Variants in TAFA1 observed in about 807,000 individuals in gnomAD.
The protein encoded by TAFA1 is chemokine-like protein TAFA-1.
A neutral mutation model predicts 18.5 loss-of-function variants in TAFA1; 4 were observed. That is an observed-to-expected ratio of 0.22 (90% CI 0.11 to 0.49). TAFA1 has a LOEUF of 0.49. Ranked by LOEUF, TAFA1 falls within the 20% of genes least tolerant of loss-of-function variation. The pLI is 0.98. For missense variants in TAFA1, 147 were observed against 169.0 expected, an observed-to-expected ratio of 0.87 and a Z score of 0.72; for synonymous variants, 56 against 55.2, an observed-to-expected ratio of 1.01 and a Z score of -0.06.
At chr3:68,155,620 G>A (rs184550800) in intron 2 of TAFA1, among the ~76,000 whole-genome samples, 21 of 152,082 alleles carry the variant, frequency 1.4e-4, no homozygotes, top group African/African-American at 3.9e-4. Context: ...TGTGATCTAT[G>A]AGCGTCATAG....
chr3:68,090,491 G>A lies in TAFA1; in HGVS notation c.118+83747G>A, dbSNP rs561447260. Among the ~76,000 whole-genome samples, 5 of 152,246 alleles carry A rather than the reference G, an allele frequency of 3.3e-5. No individual in the cohort carries two copies. The East Asian group carries it at 9.7e-4, about 29-fold the overall frequency. On this transcript the variant is annotated intron_variant, in intron 2 of 4. Coordinates refer to ENST00000478136, the MANE Select transcript of TAFA1 (RefSeq NM_213609.4). ...ATGAAAAGACATCTTAGCCAGTGCT[G>A]TTTTTTCTGCTTTGTACCCCATGTT...
Position 68,180,012 on chromosome 3 carries a change from T to TTTATTATTATTATTATTATTA in TAFA1, c.118+173280_118+173300dup, listed in dbSNP as rs35696872. 2.3e-3 allele frequency among the ~76,000 whole-genome samples: 319 copies of TTTATTATTATTATTATTATTA among 140,314 alleles called. 1 individual carries two copies. Among genetic ancestry groups the TTTATTATTATTATTATTATTA allele is most frequent in the South Asian group, 4.9e-3 (21 of 4,272 alleles). 92.1% of individuals were successfully genotyped at this position (140,314 alleles called of 152,430 possible). ...TTCTTTCCTGCCTATAACACATAAT[T>TTTATTATTATTATTATTATTA]TTATTATTATTATTATTATTATTAT... On this transcript the variant is annotated intron_variant, in intron 2 of 4. Coordinates refer to ENST00000478136, the MANE Select transcript of TAFA1 (RefSeq NM_213609.4).
chr3:68,124,258 C>G (rs767565004), intron 2 of TAFA1, among the ~76,000 whole-genome samples: 1 of 152,170 alleles, frequency 6.6e-6, no homozygotes, highest in African/African-American at 2.4e-5. Flanking sequence ...GAAGCTTCTT[C>G]TATTTTCTTT....
chr3:68,061,516 C>T (rs922792668), intron 2 of TAFA1, among the ~76,000 whole-genome samples: 2 of 152,142 alleles, frequency 1.3e-5, no homozygotes, highest in African/African-American at 2.4e-5. Context: ...ATGGCATATA[C>T]ATCCTCAGAA....
intron 2 of TAFA1, among the ~76,000 whole-genome samples, chr3:68,396,200 T>C (rs1284278552): frequency 6.6e-6 from 1 of 152,168 alleles, no homozygotes; most frequent in Admixed American, 6.6e-5. Context: ...TTCTAGTGTT[T>C]GCTTCATTTT....
chr3:68,120,927 A>G (rs941276086), intron 2 of TAFA1, among the ~76,000 whole-genome samples: 4 of 152,192 alleles, frequency 2.6e-5, no homozygotes, highest in African/African-American at 9.7e-5. Flanking sequence ...TTTTATGGAC[A>G]CATACCTGAG....
intron 2 of TAFA1, among the ~76,000 whole-genome samples, chr3:68,310,879 T>A (rs2106677114): frequency 6.6e-6 from 1 of 152,260 alleles, no homozygotes; most frequent in East Asian, 1.9e-4. Context: ...TGCTGTCAAG[T>A]GTTTACGTAT....
At chr3:68,051,194 G>C (rs929042181) in intron 2 of TAFA1, among the ~76,000 whole-genome samples, 64 of 152,124 alleles carry the variant, frequency 4.2e-4, no homozygotes, top group African/African-American at 1.5e-3. Context: ...GCTAGGCTTA[G>C]AGTATGTGGA....
At chr3:68,369,500 T>C (rs1398274042) in intron 2 of TAFA1, among the ~76,000 whole-genome samples, 2 of 152,232 alleles carry the variant, frequency 1.3e-5, no homozygotes, top group African/African-American at 4.8e-5. Context: ...AAAATATTTA[T>C]GAGGTCCACA....
chr3:68,447,042 G>A (rs1353654704), intron 3 of TAFA1, among the ~76,000 whole-genome samples: 2 of 152,124 alleles, frequency 1.3e-5, no homozygotes, highest in African/African-American at 4.8e-5. Context: ...TGGGTCAGTT[G>A]CTGTCACCAT....
chr3:68,024,395 T>G (rs1327038153), intron 2 of TAFA1, among the ~76,000 whole-genome samples: 4 of 152,168 alleles, frequency 2.6e-5, no homozygotes, highest in African/African-American at 9.7e-5. Flanking sequence ...AGTATGGCAA[T>G]ATTTTTCCTC....
rs576088946 is a variant in TAFA1 at position 68,137,143 on chromosome 3, C to T, written c.118+130399C>T. Among the ~76,000 whole-genome samples, 8 of 152,152 alleles carry T rather than the reference C, an allele frequency of 5.3e-5. No homozygotes were observed. The South Asian group carries it at 1.5e-3, about 28-fold the overall frequency. On this transcript the variant is annotated intron_variant, in intron 2 of 4. Coordinates refer to ENST00000478136, the MANE Select transcript of TAFA1 (RefSeq NM_213609.4). Reference sequence around the variant, plus strand: ...ATGGGAAAAATCTCTCTCCTGTTGTCATGGAATAAGTTAAGAGACTCCTCT... The same window carrying T: ...ATGGGAAAAATCTCTCTCCTGTTGTTATGGAATAAGTTAAGAGACTCCTCT...
intron 4 of TAFA1, among the ~76,000 whole-genome samples, chr3:68,540,886 G>C (rs889687551): frequency 3.9e-5 from 6 of 152,086 alleles, no homozygotes; most frequent in South Asian, 2.1e-4. Flanking sequence ...AAACCATCAG[G>C]CATGTTGCAG....
intron 3 of TAFA1, among the ~76,000 whole-genome samples, chr3:68,537,921 G>A (rs556698207): frequency 8.5e-5 from 13 of 152,268 alleles, no homozygotes; most frequent in Admixed American, 5.2e-4. Context: ...GGCTGGTCAC[G>A]TGGGAAACCT....
At chr3:68,342,917 T>C (rs1283637963) in intron 2 of TAFA1, among the ~76,000 whole-genome samples, 1 of 152,212 alleles carries the variant, frequency 6.6e-6, no homozygotes, top group Admixed American at 6.5e-5. Context: ...GATTTAATAG[T>C]AGATTCTTCA....
intron 2 of TAFA1, among the ~76,000 whole-genome samples, chr3:68,130,239 TTTTTGAA>T (rs2065520520): frequency 6.6e-6 from 1 of 152,150 alleles, no homozygotes; most frequent in African/African-American, 2.4e-5. Context: ...CTAAAATTAT[TTTTTGAA>T]TTACTTTTTA....
At chr3:68,380,946 A>ATAAGGTG (rs2069936120) in intron 2 of TAFA1, among the ~76,000 whole-genome samples, 2 of 150,248 alleles carry the variant, frequency 1.3e-5, no homozygotes, top group East Asian at 3.9e-4. Context: ...TAATTTTTGT[A>ATAAGGTG]TAAGGTGTAA....
At chr3:68,165,179 T>C (rs1177754145) in intron 2 of TAFA1, among the ~76,000 whole-genome samples, 1 of 152,234 alleles carries the variant, frequency 6.6e-6, no homozygotes, top group African/African-American at 2.4e-5. Flanking sequence ...TCTCACCTTC[T>C]ATCTGATGAG....
intron 2 of TAFA1, among the ~76,000 whole-genome samples, chr3:68,370,010 C>T (rs1376180831): frequency 6.6e-6 from 1 of 151,402 alleles, no homozygotes; most frequent in East Asian, 2.0e-4. Flanking sequence ...TGTTTTGGGC[C>T]AGGTGTGGTG....
Sources: gnomAD v4.1 joint callset for allele counts (sites outside exome capture counted in the v4.1 genomes callset) on GRCh38, gnomAD v4.1.1 for gene constraint, MANE v1.5 for transcripts, NCBI Gene and HGNC (gene_info 2026-07-23, HGNC 2026-07-21) for gene names.